Variants in MYLK2 observed in about 807,000 individuals in gnomAD.
The protein encoded by MYLK2 is myosin light chain kinase 2.
A neutral mutation model predicts 58.2 loss-of-function variants in MYLK2; 27 were observed. The ratio of observed to expected loss-of-function variants is 0.46; its 90% confidence interval spans 0.34 to 0.64. MYLK2 has a LOEUF of 0.64. Ranked by LOEUF, MYLK2 falls within the 30% of genes least tolerant of loss-of-function variation. MYLK2 has a pLI of 0.01. For synonymous variants in MYLK2, 310 were observed against 296.7 expected (o/e 1.04, Z -0.46); for missense variants, 676 against 764.3 (o/e 0.88, Z 1.36).
At chr20:31,827,108 G>A (rs1477815348) in intron 8 of MYLK2, 170 bp downstream of exon 8, 1 of 980,868 alleles carries the variant, frequency 1.0e-6, no homozygotes, top group Non-Finnish European at 1.2e-6. Context: ...AGTGCCAGGA[G>A]CCGGGGGCAC....
chr20:31,824,110 C>G, intron 5 of MYLK2, 149 bp from the exon 6 acceptor site: 1 of 1,511,702 alleles, frequency 6.6e-7, no homozygotes, highest in Non-Finnish European at 8.8e-7. Flanking sequence ...AGGAGGGAGT[C>G]AGGGCTGGCT....
At chr20:31,830,958 G>A in intron 9 of MYLK2, 55 bp from the exon 10 acceptor site, 1 of 1,614,048 alleles carries the variant, frequency 6.2e-7, no homozygotes, top group Non-Finnish European at 8.5e-7. Flanking sequence ...GTGGGGTGGA[G>A]GGGGCATGGG....
intron 9 of MYLK2, 53 bp from the exon 10 acceptor site, chr20:31,830,960 G>T: frequency 6.2e-7 from 1 of 1,614,076 alleles, no homozygotes; most frequent in Non-Finnish European, 8.5e-7. Context: ...GGGGTGGAGG[G>T]GGCATGGGTA....
intron 8 of MYLK2, chr20:31,827,424 C>G: frequency 1.0e-6 from 1 of 985,402 alleles, no homozygotes; most frequent in Non-Finnish European, 1.2e-6. Flanking sequence ...GATAAAAATC[C>G]CTGCATTCTT....
rs1267357973 is a variant in MYLK2, at chr20:31,832,006, C to A, written c.1580C>A (p.Ala527Asp). Residue 527 changes from alanine (A) to aspartate (D), a missense_variant and splice_region_variant, in exon 12 of 13, where the codon GCC becomes GAC. This residue lies in a region of MYLK2 where 370 missense variants were observed against 467.8 expected (regional missense o/e 0.79). Transcript: ENST00000375985. ...VSNLIVKDQRARMNAAQCLAH... is the reference protein window; with the variant it reads ...VSNLIVKDQRDRMNAAQCLAH... Reference sequence around the variant, plus strand: ...TCACCATGCTGCCTCTCCCCCAGGGCCCGGATGAACGCTGCCCAGTGTCTC... The same window carrying A: ...TCACCATGCTGCCTCTCCCCCAGGGACCGGATGAACGCTGCCCAGTGTCTC... 6.2e-7 allele frequency: 1 copy of A among 1,610,164 alleles called. No homozygotes were observed.
intron 8 of MYLK2, chr20:31,828,254 A>T (rs2062289956): frequency 2.0e-6 from 2 of 985,152 alleles, no homozygotes; most frequent in Admixed American, 1.2e-4. Flanking sequence ...CTGAGTGTGG[A>T]GCTCTGGGTG....
intron 12 of MYLK2, 107 bp downstream of exon 12, chr20:31,832,243 G>T (rs1327996434): frequency 9.5e-6 from 14 of 1,471,510 alleles, no homozygotes; most frequent in Non-Finnish European, 1.3e-5. Flanking sequence ...TGTTGACCAG[G>T]CTGGGCCCTG....
At position 31,819,437 on chromosome 20, in the gene MYLK2, C is replaced by T; in HGVS notation, c.-49+9C>T. The T allele has an allele frequency of 1.4e-5, 16 of 1,129,026 alleles. No individual in the cohort carries two copies. The highest frequency in any genetic ancestry group is 1.8e-5 in the Non-Finnish European group (14 of 768,902). 69.9% of individuals were successfully genotyped at this position (1,129,026 alleles called of 1,614,324 possible). ...GCCCCTCTTTGCTCCAGGTACCTCTCTCCCCTCAGTTAGCAGGCCTCGGCT... is the reference window on the plus strand; with the variant it reads ...GCCCCTCTTTGCTCCAGGTACCTCTTTCCCCTCAGTTAGCAGGCCTCGGCT... On this transcript the variant is annotated intron_variant, in intron 1 of 12. Coordinates refer to ENST00000375985, the MANE Select transcript of MYLK2 (RefSeq NM_033118.4).
chr20:31,828,460 C>T (rs1600412112), intron 8 of MYLK2: 4 of 985,158 alleles, frequency 4.1e-6, no homozygotes, highest in Non-Finnish European at 3.6e-6. Flanking sequence ...TCGATAAGCA[C>T]GTGCTGGGTA....
chr20:31,821,907 G>A (rs1336941487), intron 4 of MYLK2, among the ~76,000 whole-genome samples, 170 bp downstream of exon 4: 1 of 152,102 alleles, frequency 6.6e-6, no homozygotes, highest in Non-Finnish European at 1.5e-5. Context: ...CTTTTTTAAC[G>A]TATGTTTATT....
intron 8 of MYLK2, 76 bp from the exon 9 acceptor site, chr20:31,830,743 G>A: frequency 6.8e-7 from 1 of 1,479,442 alleles, no homozygotes; most frequent in Non-Finnish European, 9.4e-7. Context: ...AAGGAGCCTG[G>A]GGTTTGCACG....
At position 31,821,676 on chromosome 20, in the gene MYLK2, A is replaced by G. The variant is rs776019860; in HGVS notation, c.711A>G (p.Lys237=). The G allele has an allele frequency of 6.2e-6, 10 of 1,613,228 alleles. No homozygotes were observed. Among genetic ancestry groups the G allele is most frequent in the Non-Finnish European group, 8.5e-6 (10 of 1,179,370 alleles). Residue 237 remains lysine, a synonymous_variant, in exon 4 of 13, where the codon AAA becomes AAG. Coordinates refer to ENST00000375985, the MANE Select transcript of MYLK2 (RefSeq NM_033118.4). The part of the protein sequence containing the change: ...GIEFQAVPSE[K]SEVGQALCLT... The stretch of plus-strand genomic sequence containing the variant: ...AGTTCCAGGCTGTTCCCTCAGAGAA[A>G]TCCGAGGTGGGGCAGGCCCTCTGTC...
Position 31,824,322 on chromosome 20 carries a change from G to T in MYLK2, c.942G>T (p.Lys314Asn). 6.2e-7 allele frequency: 1 copy of T among 1,613,230 alleles called. No individual in the cohort carries two copies. ...CCACAGGCCTCAAGCTGGCAGCCAA[G>T]GTCATCAAGAAACAGACTCCCAAAG... ...EKATGLKLAA[K>N]VIKKQTPKDK... is the part of the protein sequence containing the mutation. The change falls in exon 6 of 13, where the codon AAG becomes AAT. Residue 314 changes from lysine (K) to asparagine (N), a missense_variant. By Grantham distance (94) the Lys-to-Asn change is moderately conservative (BLOSUM62 0). Transcript: ENST00000375985.
At chr20:31,824,463 G>A in intron 6 of MYLK2, 111 bp downstream of exon 6, 1 of 1,538,536 alleles carries the variant, frequency 6.5e-7, no homozygotes, top group Non-Finnish European at 8.7e-7. Flanking sequence ...TGGTATGGGA[G>A]TTTGTTGCAG....
At chr20:31,824,107 A>T (rs2062266289) in intron 5 of MYLK2, 152 bp from the exon 6 acceptor site, 5 of 1,509,724 alleles carry the variant, frequency 3.3e-6, no homozygotes, top group Non-Finnish European at 4.4e-6. Context: ...TTCAGGAGGG[A>T]GTCAGGGCTG....
At chr20:31,827,889 T>TC (rs1452363207) in intron 8 of MYLK2, among the ~76,000 whole-genome samples, 1 of 146,094 alleles carries the variant, frequency 6.8e-6, no homozygotes, top group East Asian at 2.0e-4. Context: ...CTGCTTTTTT[T>TC]TTTTTTTTTT....
At chr20:31,830,959 G>A (rs1052756339) in intron 9 of MYLK2, 54 bp from the exon 10 acceptor site, 1 of 1,613,974 alleles carries the variant, frequency 6.2e-7, no homozygotes, top group Non-Finnish European at 8.5e-7. Context: ...TGGGGTGGAG[G>A]GGGCATGGGT....
Position 31,819,505 on chromosome 20 carries a change from C to G in MYLK2, c.-48-28C>G, listed in dbSNP as rs150707461. The G allele has an allele frequency of 4.6e-6, 7 of 1,538,418 alleles. No homozygotes were observed. The East Asian group carries it at 1.7e-4, about 38-fold the overall frequency. On this transcript the variant is annotated intron_variant, in intron 1 of 12. Transcript: ENST00000375985. ...CAGACGAGAGGGGAAATTGGACAGC[C>G]TGACACACTCCACTCTTGTTTCTGC...
rs727503305 is a variant in MYLK2 at position 31,830,878 on chromosome 20, C to T, written c.1284C>T (p.Gly428=). 28 of 1,613,256 alleles carry T rather than the reference C, an allele frequency of 1.7e-5. No homozygotes were observed. The highest frequency in any genetic ancestry group is 2.3e-5 in the Non-Finnish European group (27 of 1,179,768). ...ATTTGGTGAAGATCATTGACTTTGGCCTGGCACGGAGGTACCACCTGGGTG... is the reference window on the plus strand; with the variant it reads ...ATTTGGTGAAGATCATTGACTTTGGTCTGGCACGGAGGTACCACCTGGGTG... The part of the protein sequence containing the change: ...TGHLVKIIDF[G]LARRYNPNEK... The change falls in exon 9 of 13, where the codon GGC becomes GGT. Residue 428 remains glycine (G), a synonymous_variant. Coordinates refer to ENST00000375985, the MANE Select transcript of MYLK2 (RefSeq NM_033118.4).
Sources: gnomAD v4.1 joint callset for allele counts (sites outside exome capture counted in the v4.1 genomes callset) on GRCh38, gnomAD v4.1.1 for gene constraint, gnomAD v4.1.1 regional missense constraint, MANE v1.5 for transcripts, NCBI Gene and HGNC (gene_info 2026-07-23, HGNC 2026-07-21) for gene names.